Variants in DPP10 observed in about 807,000 individuals in gnomAD.
DPP10 encodes the protein inactive dipeptidyl peptidase 10.
A neutral mutation model predicts 120.9 loss-of-function variants in DPP10; 33 were observed. That is an observed-to-expected ratio of 0.27 (90% CI 0.21 to 0.37). DPP10 has a LOEUF of 0.37. Among genes scored for constraint, DPP10 ranks in the 10% least tolerant of loss-of-function variants. The pLI is 1.00. For synonymous variants in DPP10, 337 were observed against 326.1 expected (o/e 1.03, Z -0.36); for missense variants, 816 against 942.8 (o/e 0.87, Z 1.76).
chr2:114,660,320 A>G (rs1187320926), intron 1 of DPP10, among the ~76,000 whole-genome samples: 1 of 152,160 alleles, frequency 6.6e-6, no homozygotes, highest in Non-Finnish European at 1.5e-5. Context: ...TAAAAATATT[A>G]TGTTCTATCC....
chr2:115,049,600 CA>C (rs1478179154), intron 1 of DPP10, among the ~76,000 whole-genome samples: 1 of 152,158 alleles, frequency 6.6e-6, no homozygotes, highest in African/African-American at 2.4e-5. Flanking sequence ...TATGTTCCTT[CA>C]ATATCAGAAA....
At chr2:115,244,233 TATATATAG>T (rs1418007509) in intron 1 of DPP10, among the ~76,000 whole-genome samples, 20 of 44,380 alleles carry the variant, frequency 4.5e-4, no homozygotes, top group African/African-American at 8.0e-4. Flanking sequence ...TATATATATA[TATATATAG>T]AGAGAGAGAG....
At chr2:115,091,773 G>A (rs535808630) in intron 1 of DPP10, among the ~76,000 whole-genome samples, 4 of 152,270 alleles carry the variant, frequency 2.6e-5, no homozygotes, top group Non-Finnish European at 5.9e-5. Context: ...GTTCAGTTCC[G>A]TTTCTCTCCT....
chr2:114,800,308 A>C (rs1293145582), intron 1 of DPP10, among the ~76,000 whole-genome samples: 1 of 152,248 alleles, frequency 6.6e-6, no homozygotes, highest in African/African-American at 2.4e-5. Context: ...CGATATGAGG[A>C]AAAGAAAACT....
At chr2:114,478,477 C>A (rs1680714079) in intron 1 of DPP10, among the ~76,000 whole-genome samples, 2 of 152,030 alleles carry the variant, frequency 1.3e-5, no homozygotes, top group Non-Finnish European at 2.9e-5. Flanking sequence ...ATGAAAGACT[C>A]ATTATTTTCC....
intron 3 of DPP10, among the ~76,000 whole-genome samples, chr2:115,446,030 G>A (rs2072556086): frequency 6.6e-6 from 1 of 152,152 alleles, no homozygotes; most frequent in South Asian, 2.1e-4. Context: ...TCACTGCTCT[G>A]TGCACCACTG....
intron 1 of DPP10, among the ~76,000 whole-genome samples, chr2:115,089,305 C>A (rs867266295): frequency 1.3e-5 from 2 of 152,094 alleles, no homozygotes; most frequent in African/African-American, 4.8e-5. Flanking sequence ...TCTAATCATT[C>A]TTTTCTCTTT....
At chr2:115,673,153 C>T (rs567890228) in intron 5 of DPP10, among the ~76,000 whole-genome samples, 12 of 152,162 alleles carry the variant, frequency 7.9e-5, no homozygotes, top group Non-Finnish European at 1.8e-4. Context: ...TTCCTCTACT[C>T]TCTCTCCAAA....
At chr2:114,448,107 G>A (rs1238253385) in intron 1 of DPP10, among the ~76,000 whole-genome samples, 1 of 151,664 alleles carries the variant, frequency 6.6e-6, no homozygotes, top group East Asian at 1.9e-4. Flanking sequence ...AAGCATTATA[G>A]TTTTTTTTCT....
intron 3 of DPP10, among the ~76,000 whole-genome samples, chr2:115,356,180 G>T (rs946308412): frequency 2.6e-5 from 4 of 152,018 alleles, no homozygotes; most frequent in Admixed American, 1.3e-4. Context: ...GGTTCTTCCT[G>T]TCCATGAGCA....
chr2:114,886,472 A>G (rs1692080105), intron 1 of DPP10, among the ~76,000 whole-genome samples: 1 of 152,240 alleles, frequency 6.6e-6, no homozygotes, highest in Admixed American at 6.5e-5. Flanking sequence ...AGTGCCTACA[A>G]GATAGATTCA....
intron 1 of DPP10, among the ~76,000 whole-genome samples, chr2:114,879,141 T>C (rs2106590962): frequency 6.6e-6 from 1 of 152,122 alleles, no homozygotes; most frequent in Non-Finnish European, 1.5e-5. Context: ...ATTCTTTTTT[T>C]TTTTTCATTT....
At chr2:115,116,525 C>A (rs1450685421) in intron 1 of DPP10, among the ~76,000 whole-genome samples, 1 of 152,092 alleles carries the variant, frequency 6.6e-6, no homozygotes, top group African/African-American at 2.4e-5. Flanking sequence ...CTGTGATGTG[C>A]ATATTTCCAA....
chr2:115,095,735 A>G (rs1709687924), intron 1 of DPP10, among the ~76,000 whole-genome samples: 2 of 152,126 alleles, frequency 1.3e-5, no homozygotes, highest in Admixed American at 6.6e-5. Flanking sequence ...ACACATGAGC[A>G]ATGGAAATAA....
chr2:115,360,736 A>C (rs910020230), intron 3 of DPP10, among the ~76,000 whole-genome samples: 1 of 152,182 alleles, frequency 6.6e-6, no homozygotes, highest in African/African-American at 2.4e-5. Flanking sequence ...GGCCTGAGCC[A>C]AAGGTTAGGT....
intron 1 of DPP10, among the ~76,000 whole-genome samples, chr2:115,154,985 G>A (rs953987504): frequency 2.0e-5 from 3 of 150,938 alleles, no homozygotes; most frequent in Non-Finnish European, 4.4e-5. Flanking sequence ...TCCGCCTCCC[G>A]GGTTCAAGTG....
At chr2:115,738,283 C>A (rs910717179) in intron 8 of DPP10, among the ~76,000 whole-genome samples, 1 of 152,130 alleles carries the variant, frequency 6.6e-6, no homozygotes, top group African/African-American at 2.4e-5. Context: ...TCCAAAGATA[C>A]CATCGTGACC....
At chr2:115,493,176 C>CT (rs1404513224) in intron 3 of DPP10, among the ~76,000 whole-genome samples, 1 of 151,904 alleles carries the variant, frequency 6.6e-6, no homozygotes, top group African/African-American at 2.4e-5. Context: ...ATTGATTGGG[C>CT]TGTGTAATGG....
Position 115,842,349 on chromosome 2 carries a change from A to T in DPP10, c.*4A>T, listed in dbSNP as rs780580969. Reference sequence around the variant, plus strand: ...GGAACCAGAAGAAGATGAATAATGGACTGTATTTATACAGAACTGAAGGGA... The same window carrying T: ...GGAACCAGAAGAAGATGAATAATGGTCTGTATTTATACAGAACTGAAGGGA... On this transcript the variant is annotated 3_prime_UTR_variant, in exon 26 of 26. Transcript: ENST00000410059. 1.1e-5 allele frequency: 18 copies of T among 1,613,340 alleles called. No homozygotes were observed. Among genetic ancestry groups the T allele is most frequent in the Non-Finnish European group, 1.4e-5 (16 of 1,179,736 alleles).
Sources: gnomAD v4.1 joint callset for allele counts (sites outside exome capture counted in the v4.1 genomes callset) on GRCh38, gnomAD v4.1.1 for gene constraint, MANE v1.5 for transcripts, NCBI Gene and HGNC (gene_info 2026-07-23, HGNC 2026-07-21) for gene names.